Variants in CCDC82 observed in about 807,000 individuals in gnomAD.
CCDC82 encodes the protein coiled-coil domain containing 82.
Under a neutral mutation model 60.6 loss-of-function variants are expected in CCDC82, and 47 were observed. The observed-to-expected ratio is 0.77, with a 90% CI of 0.61 to 0.99. The LOEUF is 0.99. Ranked by LOEUF, CCDC82 falls within the 50% of genes least tolerant of loss-of-function variation. The probability of loss-of-function intolerance (pLI) is 0.00; values close to 1 mark genes in which losing one functional copy is unlikely to be tolerated. For synonymous variants in CCDC82, 212 were observed against 207.4 expected (o/e 1.02, Z -0.19); for missense variants, 588 against 633.0 (o/e 0.93, Z 0.76).
intron 9 of CCDC82, chr11:96,356,779 G>A: frequency 1.0e-5 from 10 of 985,036 alleles, no homozygotes; most frequent in Non-Finnish European, 1.1e-5. Context: ...TTAGAAGGAA[G>A]AACAAAAAGA....
At chr11:96,375,615 T>C (rs147024258) in intron 5 of CCDC82, among the ~76,000 whole-genome samples, 1 of 152,252 alleles carries the variant, frequency 6.6e-6, no homozygotes, top group Non-Finnish European at 1.5e-5. Context: ...TATCCTAGAT[T>C]CATTTCTGGT....
At chr11:96,383,840 G>T in intron 4 of CCDC82, 122 bp downstream of exon 4, 1 of 902,240 alleles carries the variant, frequency 1.1e-6, no homozygotes, top group Non-Finnish European at 1.6e-6. Context: ...AAGAATACTT[G>T]ATTAAAAAAT....
chr11:96,365,124 T>TA lies in CCDC82; in HGVS notation c.1235dup (p.Ser413LysfsTer8). ...TTTCAGGATTCTTCAAATGAATACTTACATTAGAATAATTTTCTACTCGCT... is the reference window on the plus strand; with the variant it reads ...TTTCAGGATTCTTCAAATGAATACTTAACATTAGAATAATTTTCTACTCGCT... On this transcript the variant is annotated frameshift_variant, in exon 8 of 10. Transcript: ENST00000646818. LOFTEE classifies it high-confidence loss of function. The TA allele has an allele frequency of 6.3e-7, 1 of 1,576,680 alleles. No individual in the cohort carries two copies. Among genetic ancestry groups the TA allele is most frequent in the South Asian group, 1.2e-5 (1 of 82,744 alleles).
At chr11:96,368,739 G>C (rs10831516) in intron 7 of CCDC82, among the ~76,000 whole-genome samples, 1 of 151,776 alleles carries the variant, frequency 6.6e-6, no homozygotes, top group Non-Finnish European at 1.5e-5. Context: ...GGTGGCAGGC[G>C]CCTGTAGTCC....
chr11:96,370,332 T>C (rs908601446), intron 7 of CCDC82, among the ~76,000 whole-genome samples: 1 of 152,176 alleles, frequency 6.6e-6, no homozygotes, highest in African/African-American at 2.4e-5. Flanking sequence ...TTACAAATCA[T>C]ATAGTACATC....
intron 9 of CCDC82, chr11:96,357,328 A>C: frequency 1.0e-6 from 1 of 985,096 alleles, no homozygotes; most frequent in Non-Finnish European, 1.2e-6. Context: ...TTCATGGGGA[A>C]AAAAATGTGT....
intron 8 of CCDC82, chr11:96,362,998 T>G (rs1212763082): frequency 6.6e-6 from 1 of 152,002 alleles, no homozygotes; most frequent in African/African-American, 2.4e-5. Context: ...GGAGTCTCGC[T>G]GTCGCCCAGG....
chr11:96,353,749 C>T (rs1345046285), intron 9 of CCDC82, 35 bp from the exon 10 acceptor site: 3 of 1,513,240 alleles, frequency 2.0e-6, no homozygotes, highest in Admixed American at 1.7e-5. Flanking sequence ...TTATTTTACT[C>T]AAAGCAATGA....
intron 1 of CCDC82, chr11:96,389,372 G>A (rs1277721031): frequency 1.3e-5 from 2 of 152,120 alleles, no homozygotes; most frequent in African/African-American, 4.8e-5. Context: ...AACCTCTTTG[G>A]CGGGACGCAG....
Position 96,373,386 on chromosome 11 carries a change from C to A in CCDC82, c.1073G>T (p.Gly358Val). Residue 358 changes from glycine to valine, a missense_variant, in exon 6 of 10, where the codon GGA becomes GTA. Gly to Val is a moderately radical substitution (Grantham distance 109). Coordinates refer to ENST00000646818, the MANE Select transcript of CCDC82 (RefSeq NM_024725.4). The stretch of plus-strand genomic sequence containing the variant: ...TAGTATTAACTTACCATATAATGTT[C>A]CCAGAAAAGATTCATCTAAAGCGTT... ...LINALDESFL[G>V]TLYDGTRQKS... is the part of the protein sequence containing the mutation. The A allele has an allele frequency of 6.3e-7, 1 of 1,597,610 alleles. No homozygotes were observed. Among genetic ancestry groups the A allele is most frequent in the South Asian group, 1.1e-5 (1 of 90,186 alleles).
At chr11:96,383,078 G>T (rs1027464937) in intron 5 of CCDC82, 191 bp downstream of exon 5, 1 of 556,738 alleles carries the variant, frequency 1.8e-6, no homozygotes, top group Non-Finnish European at 3.2e-6. Flanking sequence ...GCGTGTTGGG[G>T]TTAATAATTT....
chr11:96,359,528 A>G (rs1338928265), intron 8 of CCDC82, among the ~76,000 whole-genome samples: 5 of 152,146 alleles, frequency 3.3e-5, no homozygotes, highest in Non-Finnish European at 7.4e-5. Context: ...TCCAGATAGA[A>G]CAAAAGTCCC....
intron 7 of CCDC82, 88 bp downstream of exon 7, chr11:96,370,925 T>G: frequency 4.4e-6 from 5 of 1,145,246 alleles, no homozygotes; most frequent in Non-Finnish European, 5.9e-6. Context: ...TGCCAATATT[T>G]TAGAAGATTA....
At chr11:96,356,339 A>T in intron 9 of CCDC82, 1 of 617,440 alleles carries the variant, frequency 1.6e-6, no homozygotes, top group Non-Finnish European at 2.0e-6. Context: ...TTATAATTTT[A>T]AATTATTATG....
intron 5 of CCDC82, among the ~76,000 whole-genome samples, chr11:96,376,573 G>A (rs1450863334): frequency 2.0e-5 from 3 of 151,702 alleles, no homozygotes; most frequent in African/African-American, 4.8e-5. Flanking sequence ...GATTACAGGC[G>A]CCCGCCACCA....
chr11:96,366,278 GTTTAT>G (rs1864942085), intron 7 of CCDC82, among the ~76,000 whole-genome samples: 1 of 152,214 alleles, frequency 6.6e-6, no homozygotes, highest in African/African-American at 2.4e-5. Context: ...TTTATTGTTG[GTTTAT>G]TTTGTTTGTT....
At chr11:96,374,859 G>C (rs1448532107) in intron 5 of CCDC82, among the ~76,000 whole-genome samples, 2 of 151,946 alleles carry the variant, frequency 1.3e-5, no homozygotes, top group Admixed American at 1.3e-4. Flanking sequence ...TTATTTATTA[G>C]ATAGATTTGT....
chr11:96,369,610 A>G (rs950158807), intron 7 of CCDC82, among the ~76,000 whole-genome samples: 2 of 152,190 alleles, frequency 1.3e-5, no homozygotes, highest in African/African-American at 2.4e-5. Context: ...GGTTTCTGTC[A>G]CCCTCAAACA....
chr11:96,377,254 A>T (rs1486864562), intron 5 of CCDC82, among the ~76,000 whole-genome samples: 1 of 152,152 alleles, frequency 6.6e-6, no homozygotes, highest in Non-Finnish European at 1.5e-5. Flanking sequence ...CCATGAAAAG[A>T]TATGCTACGT....
Sources: allele counts gnomAD v4.1 joint callset (sites outside exome capture counted in the v4.1 genomes callset), GRCh38; gene constraint gnomAD v4.1.1; transcripts MANE v1.5; gene names NCBI Gene and HGNC (gene_info 2026-07-23, HGNC 2026-07-21).